The following KCNIP4 variants were observed in gnomAD, a reference collection of about 807,000 sequenced individuals.
The protein encoded by KCNIP4 is potassium voltage-gated channel interacting protein 4.
KCNIP4 carries 12 observed loss-of-function variants against 34.0 expected under a neutral mutation model. The observed-to-expected ratio is 0.35, with a 90% CI of 0.23 to 0.57. The LOEUF (loss-of-function observed/expected upper bound fraction) is 0.57, where lower values mean the gene tolerates loss of function less well. Ranked by LOEUF, KCNIP4 falls within the 20% of genes least tolerant of loss-of-function variation. The pLI, the probability that KCNIP4 is intolerant of heterozygous loss-of-function variation, is 0.83. For missense variants in KCNIP4, 238 were observed against 311.7 expected, an observed-to-expected ratio of 0.76 and a Z score of 1.78; for synonymous variants, 124 against 102.2, an observed-to-expected ratio of 1.21 and a Z score of -1.29.
chr4:21,922,083 G>C (rs1402040687), intron 1 of KCNIP4, among the ~76,000 whole-genome samples: 1 of 152,066 alleles, frequency 6.6e-6, no homozygotes, highest in Non-Finnish European at 1.5e-5. Context: ...AGTTTATTCT[G>C]CTTTGGAGTC....
rs552660463 is a variant in KCNIP4 at position 21,751,588 on chromosome 4, T to A, written c.61+196983A>T. Among the ~76,000 whole-genome samples, 3 of 152,298 alleles carry A rather than the reference T, an allele frequency of 2.0e-5. No homozygotes were observed. In the East Asian group the frequency reaches 5.8e-4, roughly 29 times the overall value. ...GCATAAGCTCTATTGTACTATTCAG[T>A]TTCTTTTGTTTGCGTTTGAAATTTT... On this transcript the variant is annotated intron_variant, in intron 1 of 8. Transcript: ENST00000382152.
At chr4:20,858,653 A>G (rs540660004) in intron 2 of KCNIP4, among the ~76,000 whole-genome samples, 3 of 152,336 alleles carry the variant, frequency 2.0e-5, no homozygotes, top group South Asian at 4.1e-4. Context: ...CCAAATGGCT[A>G]CTTAGTAAAC....
At chr4:21,638,316 A>T (rs1229751255) in intron 1 of KCNIP4, among the ~76,000 whole-genome samples, 1 of 152,172 alleles carries the variant, frequency 6.6e-6, no homozygotes, top group Non-Finnish European at 1.5e-5. Flanking sequence ...TGTCTTCTGA[A>T]TTCTGGTCTG....
chr4:21,116,308 T>C (rs527743968), intron 1 of KCNIP4, among the ~76,000 whole-genome samples: 1 of 152,218 alleles, frequency 6.6e-6, no homozygotes, highest in Non-Finnish European at 1.5e-5. Flanking sequence ...TTTGGCAAAA[T>C]TTGCTGTTGT....
chr4:20,870,021 C>T (rs1352681057), intron 2 of KCNIP4, among the ~76,000 whole-genome samples: 1 of 151,974 alleles, frequency 6.6e-6, no homozygotes, highest in Non-Finnish European at 1.5e-5. Context: ...GTTTAAAATA[C>T]TTATTATTAT....
At chr4:21,237,449 C>T (rs1463654857) in intron 1 of KCNIP4, among the ~76,000 whole-genome samples, 4 of 152,046 alleles carry the variant, frequency 2.6e-5, no homozygotes, top group Non-Finnish European at 5.9e-5. Context: ...TAATTTAATT[C>T]CTGGTCCTAT....
chr4:21,155,581 G>T (rs565301703), intron 1 of KCNIP4, among the ~76,000 whole-genome samples: 2 of 152,112 alleles, frequency 1.3e-5, no homozygotes, highest in African/African-American at 2.4e-5. Context: ...GCTATTGGAC[G>T]TTCTTAATCC....
At chr4:21,495,655 C>T (rs6827314) in intron 1 of KCNIP4, among the ~76,000 whole-genome samples, 5,708 of 151,966 alleles carry the variant, frequency 0.038, 323 homozygotes, top group African/African-American at 0.12. Flanking sequence ...CTTTGCACTT[C>T]CTTCCTGTAC....
chr4:21,928,865 C>T (rs966703380), intron 1 of KCNIP4, among the ~76,000 whole-genome samples: 4 of 146,904 alleles, frequency 2.7e-5, no homozygotes, highest in African/African-American at 9.8e-5. Flanking sequence ...TATTCCTTCC[C>T]GAGATCAACC....
At chr4:21,574,784 T>G (rs1376317349) in intron 1 of KCNIP4, among the ~76,000 whole-genome samples, 1 of 152,170 alleles carries the variant, frequency 6.6e-6, no homozygotes, top group Non-Finnish European at 1.5e-5. Context: ...AATAATGTCT[T>G]ATGCCTAGTC....
chr4:21,456,475 T>C (rs528835002), intron 1 of KCNIP4, among the ~76,000 whole-genome samples: 3 of 148,354 alleles, frequency 2.0e-5, no homozygotes, highest in Non-Finnish European at 4.4e-5. Flanking sequence ...CCCACCTATA[T>C]ATTTTCTTAA....
intron 1 of KCNIP4, among the ~76,000 whole-genome samples, chr4:21,736,364 G>T (rs376882844): frequency 6.6e-6 from 1 of 152,096 alleles, no homozygotes; most frequent in South Asian, 2.1e-4. Context: ...GTACTGTAGA[G>T]AGATAGGTCC....
At chr4:21,921,258 T>C (rs546310504) in intron 1 of KCNIP4, among the ~76,000 whole-genome samples, 1 of 152,288 alleles carries the variant, frequency 6.6e-6, no homozygotes, top group Admixed American at 6.5e-5. Flanking sequence ...TCTATGACAT[T>C]TACTCTTGGT....
chr4:20,908,271 T>C (rs1727985575), intron 1 of KCNIP4, among the ~76,000 whole-genome samples: 1 of 152,138 alleles, frequency 6.6e-6, no homozygotes, highest in African/African-American at 2.4e-5. Flanking sequence ...AGCTAATTTT[T>C]GTATTTTCAC....
Position 20,890,181 on chromosome 4 carries a change from T to A in KCNIP4, c.62-7472A>T, listed in dbSNP as rs557197764. Among the ~76,000 whole-genome samples, 15 of 152,288 alleles carry A rather than the reference T, an allele frequency of 9.8e-5. No individual in the cohort carries two copies. In the South Asian group the frequency reaches 3.1e-3, roughly 32 times the overall value. ...TAGGAACTGTCTCAGATGCTGGCAATAATGCACCGAATGAGCCAGCCAAAA... is the reference window on the plus strand; with the variant it reads ...TAGGAACTGTCTCAGATGCTGGCAAAAATGCACCGAATGAGCCAGCCAAAA... On this transcript the variant is annotated intron_variant, in intron 1 of 8. Coordinates refer to ENST00000382152, the MANE Select transcript of KCNIP4 (RefSeq NM_025221.6).
intron 1 of KCNIP4, among the ~76,000 whole-genome samples, chr4:21,281,142 A>G (rs1358420558): frequency 2.1e-5 from 3 of 143,192 alleles, no homozygotes; most frequent in African/African-American, 8.0e-5. Context: ...GCAGGAGTGC[A>G]GTGGCGCGAT....
intron 1 of KCNIP4, among the ~76,000 whole-genome samples, chr4:21,230,374 T>A (rs1178786417): frequency 6.6e-6 from 1 of 152,156 alleles, no homozygotes; most frequent in Non-Finnish European, 1.5e-5. Flanking sequence ...CCAGGAAACA[T>A]GTGCAGGATG....
intron 1 of KCNIP4, among the ~76,000 whole-genome samples, chr4:21,243,018 G>C (rs1421654336): frequency 6.6e-6 from 1 of 151,826 alleles, no homozygotes; most frequent in East Asian, 1.9e-4. Flanking sequence ...ATACCAAGCA[G>C]AATATCTAGC....
chr4:21,809,721 T>A (rs548565310), intron 1 of KCNIP4, among the ~76,000 whole-genome samples: 15 of 152,276 alleles, frequency 9.9e-5, no homozygotes, highest in Admixed American at 9.8e-4. Flanking sequence ...GGAAGTTTAA[T>A]TCTTTTTTGT....
Sources: allele counts gnomAD v4.1 joint callset (sites outside exome capture counted in the v4.1 genomes callset), GRCh38; gene constraint gnomAD v4.1.1; transcripts MANE v1.5; gene names NCBI Gene and HGNC (gene_info 2026-07-23, HGNC 2026-07-21).